Variants in CFAP52 observed in about 807,000 individuals in gnomAD.
CFAP52 encodes the protein cilia- and flagella-associated protein 52.
Under a neutral mutation model 70.5 loss-of-function variants are expected in CFAP52, and 57 were observed. The ratio of observed to expected loss-of-function variants is 0.81; its 90% CI spans 0.65 to 1.01. The LOEUF is 1.01. Ranked by LOEUF, CFAP52 falls within the 50% of genes least tolerant of loss-of-function variation. The pLI, the probability that CFAP52 is intolerant of heterozygous loss-of-function variation, is 0.00. For synonymous variants in CFAP52, 267 were observed against 292.5 expected (o/e 0.91, Z 0.89); for missense variants, 785 against 788.5 (o/e 1.00, Z 0.05).
chr17:9,642,968 G>T, intron 13 of CFAP52, 55 bp from the exon 14 acceptor site: 1 of 1,402,794 alleles, frequency 7.1e-7, no homozygotes, highest in Non-Finnish European at 9.5e-7. Context: ...TGAAATCAGG[G>T]CTGTTTCTCT....
intron 6 of CFAP52, among the ~76,000 whole-genome samples, chr17:9,603,564 GTTC>G (rs1052209187): frequency 3.6e-4 from 55 of 152,268 alleles, no homozygotes; most frequent in African/African-American, 1.2e-3. Context: ...CACGATATGA[GTTC>G]TTCTTAATTT....
intron 10 of CFAP52, 58 bp downstream of exon 10, chr17:9,633,091 G>GCAGTTGTTTAA: frequency 6.4e-7 from 1 of 1,554,686 alleles, no homozygotes; most frequent in Non-Finnish European, 8.7e-7. Context: ...TGCCCTATAG[G>GCAGTTGTTTAA]AAGCCATCTA....
intron 3 of CFAP52, among the ~76,000 whole-genome samples, chr17:9,593,948 A>T (rs372332663): frequency 1.3e-5 from 2 of 152,194 alleles, no homozygotes; most frequent in Admixed American, 1.3e-4. Flanking sequence ...CTGGGCAACA[A>T]GAGTGAAACT....
At chr17:9,621,920 G>T (rs1402160173) in intron 8 of CFAP52, among the ~76,000 whole-genome samples, 3 of 149,128 alleles carry the variant, frequency 2.0e-5, no homozygotes, top group Non-Finnish European at 4.5e-5. Context: ...CACGTTAGTG[G>T]GTGCAGCGCA....
intron 1 of CFAP52, among the ~76,000 whole-genome samples, chr17:9,582,413 G>A (rs978973194): frequency 6.6e-6 from 1 of 152,184 alleles, no homozygotes; most frequent in Admixed American, 6.5e-5. Context: ...TTATGAGGTT[G>A]CATCTCTTTT....
rs192460529 is a variant in CFAP52, at chr17:9,629,319, C to T, written c.1174+499C>T. 2.6e-5 allele frequency among the ~76,000 whole-genome samples: 4 copies of T among 152,236 alleles called. No individual in the cohort carries two copies. In the East Asian group the frequency reaches 7.7e-4, roughly 29 times the overall value. The stretch of plus-strand genomic sequence containing the variant: ...GTTTTCCTTTAAAACAGTAATTTCT[C>T]AGTATTGTCTTATGCTAAATCTATC... On this transcript the variant is annotated intron_variant, in intron 9 of 13. Coordinates refer to ENST00000352665, the MANE Select transcript of CFAP52 (RefSeq NM_145054.5).
At chr17:9,594,088 C>A (rs1417186240) in intron 3 of CFAP52, 105 bp from the exon 4 acceptor site, 27 of 1,431,770 alleles carry the variant, frequency 1.9e-5, no homozygotes, top group Admixed American at 2.5e-5. Flanking sequence ...TTTTAAGTAA[C>A]CTGTTGTGTT....
In CFAP52 at chr17:9,608,277, C is replaced by T; in HGVS notation, c.854+58C>T. 8.0e-6 allele frequency: 11 copies of T among 1,366,600 alleles called. No homozygotes were observed. In the South Asian group the frequency reaches 1.9e-4, roughly 24 times the overall value. The allele number at this position is 1,366,600 out of a possible 1,614,324, so 84.7% of individuals were successfully genotyped here. ...TAGAGACCCACTAAACGGAGATTTG[C>T]TTAAAGCCAGCAACTCGATGATATC... On this transcript the variant is annotated intron_variant, in intron 7 of 13. Coordinates refer to ENST00000352665, the MANE Select transcript of CFAP52 (RefSeq NM_145054.5).
In CFAP52 at chr17:9,630,993, AG is replaced by A. The variant is rs1435524192; in HGVS notation, c.1175-1894del. Reference sequence around the variant, plus strand: ...AGAGCCAGACTCCATCTCAAAAAAAAGAAAGAAAGAAAGAAAGAAAGAAAGA... The same window carrying A: ...AGAGCCAGACTCCATCTCAAAAAAAAAAAGAAAGAAAGAAAGAAAGAAAGA... On this transcript the variant is annotated intron_variant, in intron 9 of 13. Coordinates refer to ENST00000352665, the MANE Select transcript of CFAP52 (RefSeq NM_145054.5). Among the ~76,000 whole-genome samples, 264 of 59,386 alleles carry A rather than the reference AG, an allele frequency of 4.4e-3. 9 individuals carry two copies. The highest frequency in any genetic ancestry group is 0.026 in the African/African-American group (251 of 9,710). The allele number at this position is 59,386 out of a possible 152,430, so 39.0% of individuals were successfully genotyped here. A position where few individuals can be genotyped will look rare whatever the true frequency, so the allele number is the denominator to read the frequency against.
At chr17:9,624,680 T>C (rs1244841433) in intron 8 of CFAP52, among the ~76,000 whole-genome samples, 1 of 152,206 alleles carries the variant, frequency 6.6e-6, no homozygotes, top group East Asian at 1.9e-4. Context: ...TTGGAATCAG[T>C]TGCTTCTGAC....
chr17:9,587,862 G>C (rs184955267), intron 3 of CFAP52, among the ~76,000 whole-genome samples: 1 of 152,154 alleles, frequency 6.6e-6, no homozygotes, highest in Non-Finnish European at 1.5e-5. Context: ...CTCTTGGCCC[G>C]TCTGTATTTC....
At chr17:9,641,688 C>A in intron 12 of CFAP52, 36 bp from the exon 13 acceptor site, 1 of 1,513,082 alleles carries the variant, frequency 6.6e-7, no homozygotes, top group South Asian at 1.1e-5. Flanking sequence ...CTCTCCTGAG[C>A]TGAGTCCTGC....
At chr17:9,637,986 G>A (rs1410916976) in intron 11 of CFAP52, among the ~76,000 whole-genome samples, 2 of 152,166 alleles carry the variant, frequency 1.3e-5, no homozygotes, top group Non-Finnish European at 2.9e-5. Flanking sequence ...GTCTTGGGAG[G>A]GACTTCTTAC....
At chr17:9,627,020 T>G (rs1435503605) in intron 8 of CFAP52, among the ~76,000 whole-genome samples, 1 of 152,198 alleles carries the variant, frequency 6.6e-6, no homozygotes, top group African/African-American at 2.4e-5. Context: ...TGGTCTTTAT[T>G]GTACCCCAAT....
At chr17:9,582,851 G>A (rs1456503021) in intron 1 of CFAP52, among the ~76,000 whole-genome samples, 1 of 152,164 alleles carries the variant, frequency 6.6e-6, no homozygotes, top group Non-Finnish European at 1.5e-5. Context: ...TGGCTAGGCT[G>A]GTCTCAAACT....
In CFAP52 at chr17:9,616,048, C is replaced by T. The variant is rs938701572; in HGVS notation, c.1025+3569C>T. On this transcript the variant is annotated intron_variant, in intron 8 of 13. Coordinates refer to ENST00000352665, the MANE Select transcript of CFAP52 (RefSeq NM_145054.5). ...GGTCTACAGCTCCCAGCGTGAGCGA[C>T]GCAGAAGACGGGTGATTTCTGCATT... Among the ~76,000 whole-genome samples, 8 of 150,904 alleles carry T rather than the reference C, an allele frequency of 5.3e-5. No homozygotes were observed. In the South Asian group the frequency reaches 6.3e-4, roughly 12 times the overall value.
intron 1 of CFAP52, among the ~76,000 whole-genome samples, chr17:9,580,774 T>C (rs1908188446): frequency 6.6e-6 from 1 of 150,772 alleles, no homozygotes; most frequent in South Asian, 2.1e-4. Flanking sequence ...AAAAGGGTAA[T>C]ATAATAAGGT....
chr17:9,600,479 G>A (rs1009534012), intron 6 of CFAP52, among the ~76,000 whole-genome samples: 2 of 152,140 alleles, frequency 1.3e-5, no homozygotes, highest in African/African-American at 4.8e-5. Flanking sequence ...CTGACCTCAA[G>A]TGATCTGCCC....
intron 4 of CFAP52, among the ~76,000 whole-genome samples, chr17:9,596,240 C>T (rs1176533709): frequency 2.6e-5 from 4 of 151,404 alleles, no homozygotes; most frequent in Non-Finnish European, 5.9e-5. Flanking sequence ...GCTGGGATTA[C>T]AGGTGCATGC....
Sources: allele counts gnomAD v4.1 joint callset (sites outside exome capture counted in the v4.1 genomes callset), GRCh38; gene constraint gnomAD v4.1.1; transcripts MANE v1.5; gene names NCBI Gene and HGNC (gene_info 2026-07-23, HGNC 2026-07-21).